The following MAPK8 variants were observed in gnomAD, a reference collection of about 807,000 sequenced individuals.
MAPK8 encodes the protein JUN N-terminal kinase.
Under a neutral mutation model 52.9 loss-of-function variants are expected in MAPK8, and 13 were observed. The ratio of observed to expected loss-of-function variants is 0.25; its 90% confidence interval spans 0.16 to 0.39. The LOEUF is 0.39. Among genes scored for constraint, MAPK8 ranks in the 10% least tolerant of loss-of-function variants. The probability of loss-of-function intolerance (pLI) is 1.00; values close to 1 mark genes in which losing one functional copy is unlikely to be tolerated. For missense variants in MAPK8, 300 were observed against 519.2 expected, an observed-to-expected ratio of 0.58 and a Z score of 4.10; for synonymous variants, 191 against 169.8, an observed-to-expected ratio of 1.12 and a Z score of -0.97.
At chr10:48,401,086 T>C (rs1182452941) in intron 1 of MAPK8, among the ~76,000 whole-genome samples, 1 of 152,232 alleles carries the variant, frequency 6.6e-6, no homozygotes, top group Non-Finnish European at 1.5e-5. Flanking sequence ...TCTGTCACAG[T>C]GAAGGCACTG....
intron 1 of MAPK8, among the ~76,000 whole-genome samples, chr10:48,342,289 A>G (rs1564505730): frequency 2.0e-5 from 3 of 152,038 alleles, no homozygotes; most frequent in Admixed American, 6.6e-5. Context: ...TATTTTGTAG[A>G]GACAAGGTCT....
chr10:48,415,554 A>G (rs1019172539), intron 5 of MAPK8, among the ~76,000 whole-genome samples: 1 of 152,254 alleles, frequency 6.6e-6, no homozygotes, highest in Non-Finnish European at 1.5e-5. Context: ...GCGTATTTCC[A>G]TAACACAAAC....
At chr10:48,392,623 T>C (rs1323626066) in intron 1 of MAPK8, among the ~76,000 whole-genome samples, 5 of 152,092 alleles carry the variant, frequency 3.3e-5, no homozygotes, top group African/African-American at 7.2e-5. Context: ...AATAATATGC[T>C]ATCTGAGAAA....
At chr10:48,392,672 C>G (rs1322785914) in intron 1 of MAPK8, among the ~76,000 whole-genome samples, 1 of 151,936 alleles carries the variant, frequency 6.6e-6, no homozygotes, top group South Asian at 2.1e-4. Context: ...CACTCTTCCT[C>G]TCTTTATTGG....
At chr10:48,355,919 G>A (rs1846877273) in intron 1 of MAPK8, among the ~76,000 whole-genome samples, 1 of 152,156 alleles carries the variant, frequency 6.6e-6, no homozygotes. Flanking sequence ...CCAGAAGACA[G>A]GGGAACATTT....
chr10:48,343,159 G>C (rs1047882644), intron 1 of MAPK8, among the ~76,000 whole-genome samples: 24 of 152,164 alleles, frequency 1.6e-4, no homozygotes, highest in African/African-American at 5.3e-4. Context: ...CACAGTTCTA[G>C]AGGCCAGAAG....
At chr10:48,352,329 C>G (rs1846418423) in intron 1 of MAPK8, among the ~76,000 whole-genome samples, 1 of 151,142 alleles carries the variant, frequency 6.6e-6, no homozygotes, top group African/African-American at 2.4e-5. Flanking sequence ...AAAAACCTAC[C>G]AATAAAGACC....
At chr10:48,332,827 A>AGT (rs1844286220) in intron 1 of MAPK8, among the ~76,000 whole-genome samples, 1 of 152,228 alleles carries the variant, frequency 6.6e-6, no homozygotes, top group East Asian at 1.9e-4. Context: ...TTTTTCCAAA[A>AGT]GTGTGTACCA....
intron 1 of MAPK8, among the ~76,000 whole-genome samples, chr10:48,321,672 G>A (rs1346689196): frequency 6.6e-6 from 1 of 152,124 alleles, no homozygotes; most frequent in Non-Finnish European, 1.5e-5. Context: ...TCCATTTTGA[G>A]TTAATTTTAT....
chr10:48,307,354 A>G (rs1426859472), intron 1 of MAPK8, among the ~76,000 whole-genome samples: 1 of 152,226 alleles, frequency 6.6e-6, no homozygotes. Flanking sequence ...CGCAGGCAGC[A>G]GCGCTGAAAA....
Position 48,426,122 on chromosome 10 carries a change from G to A in MAPK8, c.871+52G>A, listed in dbSNP as rs749313113. On this transcript the variant is annotated intron_variant, in intron 8 of 11. Transcript: ENST00000374189. ...ATCCCATTTGGGGTGTGTAGTGTGT[G>A]TGTATGGGTTTGTGTGTTTATATGT... is the stretch of plus-strand genomic sequence containing the variant. 4.1e-6 allele frequency: 6 copies of A among 1,461,950 alleles called. No individual in the cohort carries two copies. In the East Asian group the frequency reaches 9.1e-5, roughly 22 times the overall value. The allele number at this position is 1,461,950 out of a possible 1,614,324, so 90.6% of individuals were successfully genotyped here. A position where few individuals can be genotyped will look rare whatever the true frequency, so the allele number is the denominator to read the frequency against.
At chr10:48,313,067 C>A (rs181930519) in intron 1 of MAPK8, among the ~76,000 whole-genome samples, 1 of 152,188 alleles carries the variant, frequency 6.6e-6, no homozygotes, top group African/African-American at 2.4e-5. Flanking sequence ...TGTAGCACAT[C>A]TACCGTGTTA....
chr10:48,311,340 C>T (rs1199851294), intron 1 of MAPK8, among the ~76,000 whole-genome samples: 1 of 152,142 alleles, frequency 6.6e-6, no homozygotes, highest in African/African-American at 2.4e-5. Flanking sequence ...ATTTAAAATT[C>T]GATCATCTCA....
At chr10:48,348,954 A>G (rs1000001859) in intron 1 of MAPK8, among the ~76,000 whole-genome samples, 4 of 151,524 alleles carry the variant, frequency 2.6e-5, no homozygotes, top group Non-Finnish European at 5.9e-5. Context: ...GGAAAGCAAA[A>G]AAAAAAAAAA....
intron 5 of MAPK8, among the ~76,000 whole-genome samples, chr10:48,411,080 G>A (rs2133084234): frequency 6.6e-6 from 1 of 152,218 alleles, no homozygotes; most frequent in African/African-American, 2.4e-5. Context: ...TAGGTTGTCT[G>A]TTCACTTTGC....
At chr10:48,399,008 A>G (rs888111342) in intron 1 of MAPK8, among the ~76,000 whole-genome samples, 1 of 151,964 alleles carries the variant, frequency 6.6e-6, no homozygotes, top group African/African-American at 2.4e-5. Flanking sequence ...TTTGCATTCG[A>G]TTTGTTTTTT....
At chr10:48,416,779 C>CT (rs1191988909) in intron 5 of MAPK8, among the ~76,000 whole-genome samples, 1 of 152,106 alleles carries the variant, frequency 6.6e-6, no homozygotes, top group African/African-American at 2.4e-5. Flanking sequence ...GGGAATATTC[C>CT]TAATCAGTCC....
intron 10 of MAPK8, chr10:48,430,814 G>A (rs2044163963): frequency 9.1e-6 from 2 of 220,510 alleles, no homozygotes; most frequent in Non-Finnish European, 8.8e-6. Flanking sequence ...CCAGGAAATG[G>A]AAGTCAGTAA....
At chr10:48,326,735 T>C (rs1843559789) in intron 1 of MAPK8, among the ~76,000 whole-genome samples, 1 of 152,226 alleles carries the variant, frequency 6.6e-6, no homozygotes, top group Admixed American at 6.5e-5. Context: ...GAATTCTTAA[T>C]GTCTTCAACT....
Sources: gnomAD v4.1 joint callset for allele counts (sites outside exome capture counted in the v4.1 genomes callset) on GRCh38, gnomAD v4.1.1 for gene constraint, MANE v1.5 for transcripts, NCBI Gene and HGNC (gene_info 2026-07-23, HGNC 2026-07-21) for gene names.